Variants in KCTD16 observed in about 807,000 individuals in gnomAD.
KCTD16 encodes BTB/POZ domain-containing protein KCTD16.
KCTD16 carries 13 observed loss-of-function variants against 33.2 expected under a neutral mutation model. The observed-to-expected ratio is 0.39, with a 90% CI of 0.25 to 0.62. The LOEUF (loss-of-function observed/expected upper bound fraction) is 0.62, where lower values mean the gene tolerates loss of function less well. Among genes scored for constraint, KCTD16 ranks in the 20% least tolerant of loss-of-function variants. KCTD16 has a pLI of 0.50. For synonymous variants in KCTD16, 197 were observed against 195.3 expected, an observed-to-expected ratio of 1.01 and a Z score of -0.07; for missense variants, 441 against 525.1, an observed-to-expected ratio of 0.84 and a Z score of 1.57.
At chr5:144,445,641 T>C (rs1337458488) in intron 3 of KCTD16, among the ~76,000 whole-genome samples, 3 of 152,038 alleles carry the variant, frequency 2.0e-5, no homozygotes, top group African/African-American at 7.2e-5. Context: ...CCACAGAACT[T>C]CCCCTTCTGT....
At chr5:144,241,830 G>A (rs1580813933) in intron 3 of KCTD16, among the ~76,000 whole-genome samples, 2 of 152,010 alleles carry the variant, frequency 1.3e-5, no homozygotes, top group Non-Finnish European at 2.9e-5. Context: ...AACCCCCTAG[G>A]AAAAAACAAC....
chr5:144,465,356 A>G (rs1334491107), intron 3 of KCTD16, among the ~76,000 whole-genome samples: 1 of 152,034 alleles, frequency 6.6e-6, no homozygotes, highest in Non-Finnish European at 1.5e-5. Context: ...TCCTTTTCCC[A>G]GATGATAGAC....
chr5:144,461,488 G>C (rs1754194708), intron 3 of KCTD16, among the ~76,000 whole-genome samples: 1 of 152,304 alleles, frequency 6.6e-6, no homozygotes, highest in Admixed American at 6.5e-5. Flanking sequence ...CCTGAGTGCT[G>C]TGGAATCTGG....
chr5:144,420,389 A>G (rs940931949), intron 3 of KCTD16, among the ~76,000 whole-genome samples: 2 of 152,164 alleles, frequency 1.3e-5, no homozygotes, highest in African/African-American at 4.8e-5. Flanking sequence ...CATGTACCCT[A>G]GAACTTAAAG....
chr5:144,297,410 A>G (rs1466295822), intron 3 of KCTD16, among the ~76,000 whole-genome samples: 1 of 152,220 alleles, frequency 6.6e-6, no homozygotes, highest in Non-Finnish European at 1.5e-5. Context: ...AAGCAATGCA[A>G]TCAAGGACAA....
chr5:144,369,350 T>G (rs552679844), intron 3 of KCTD16: 1 of 152,140 alleles, frequency 6.6e-6, no homozygotes, highest in Non-Finnish European at 1.5e-5. Context: ...AGCACAGGCA[T>G]GGAAAAGGTC....
chr5:144,267,372 A>C (rs1458523262), intron 3 of KCTD16, among the ~76,000 whole-genome samples: 2 of 152,188 alleles, frequency 1.3e-5, no homozygotes, highest in East Asian at 1.9e-4. Context: ...CAGTCAAAAA[A>C]ATGGAAGGCA....
Position 144,402,786 on chromosome 5 carries a change from T to C in KCTD16, c.833-70874T>C, listed in dbSNP as rs561852874. Among the ~76,000 whole-genome samples the C allele has an allele frequency of 3.3e-5, 5 of 152,318 alleles. No homozygotes were observed. In the East Asian group the frequency reaches 7.7e-4, roughly 24 times the overall value. On this transcript the variant is annotated intron_variant, in intron 3 of 3. Coordinates refer to ENST00000512467, the MANE Select transcript of KCTD16 (RefSeq NM_020768.4). ...CAATGGAAAACAAAATATAAATATC[T>C]GGTTTTTAAAATTACCTAGTGCATT...
At chr5:144,203,748 T>G (rs1390928381) in intron 2 of KCTD16, among the ~76,000 whole-genome samples, 3 of 152,242 alleles carry the variant, frequency 2.0e-5, no homozygotes, top group African/African-American at 7.2e-5. Flanking sequence ...TTAATAGGTC[T>G]GAATTCAGAT....
At chr5:144,395,715 C>T (rs2126941925) in intron 3 of KCTD16, among the ~76,000 whole-genome samples, 1 of 152,254 alleles carries the variant, frequency 6.6e-6, no homozygotes, top group African/African-American at 2.4e-5. Context: ...TCAAGCAGTT[C>T]CAGGCAGGCC....
At position 144,466,477 on chromosome 5, in the gene KCTD16, C is replaced by G. The variant is rs568092978; in HGVS notation, c.833-7183C>G. On this transcript the variant is annotated intron_variant, in intron 3 of 3. Coordinates refer to ENST00000512467, the MANE Select transcript of KCTD16 (RefSeq NM_020768.4). ...ATAATGATAAAAGACCTCAGAAAGC[C>G]TGGATTTTTAAGTTGTTCAAATAGC... Among the ~76,000 whole-genome samples, 103 of 152,008 alleles carry G rather than the reference C, an allele frequency of 6.8e-4. 1 individual carries two copies. In the Middle Eastern group the frequency reaches 0.014, roughly 20 times the overall value.
chr5:144,393,668 G>A (rs1205688247), intron 3 of KCTD16, among the ~76,000 whole-genome samples: 3 of 152,148 alleles, frequency 2.0e-5, no homozygotes, highest in African/African-American at 4.8e-5. Flanking sequence ...CACTTACCAT[G>A]CTATAGGAGA....
At chr5:144,327,312 A>G (rs999172445) in intron 3 of KCTD16, among the ~76,000 whole-genome samples, 6 of 152,080 alleles carry the variant, frequency 3.9e-5, no homozygotes, top group Admixed American at 6.6e-5. Flanking sequence ...GATTCAGTCA[A>G]TTTCCAAAAA....
chr5:144,408,550 T>G (rs1395160245), intron 3 of KCTD16, among the ~76,000 whole-genome samples: 1 of 152,156 alleles, frequency 6.6e-6, no homozygotes, highest in Admixed American at 6.5e-5. Flanking sequence ...TTCCCCAAAT[T>G]TTCACCCTGA....
At chr5:144,338,223 A>C (rs1752539728) in intron 3 of KCTD16, among the ~76,000 whole-genome samples, 1 of 152,094 alleles carries the variant, frequency 6.6e-6, no homozygotes, top group Non-Finnish European at 1.5e-5. Flanking sequence ...CCTGGGAAAA[A>C]ATGTTCTTAA....
chr5:144,445,755 A>G (rs1446450291), intron 3 of KCTD16, among the ~76,000 whole-genome samples: 1 of 149,154 alleles, frequency 6.7e-6, no homozygotes, highest in South Asian at 2.1e-4. Flanking sequence ...TTGTTTCATT[A>G]TGGTCTCTCT....
chr5:144,421,317 G>T (rs1367457116), intron 3 of KCTD16, among the ~76,000 whole-genome samples: 1 of 152,114 alleles, frequency 6.6e-6, no homozygotes. Flanking sequence ...GGTGATTTAT[G>T]ACCTATATTA....
chr5:144,292,902 C>T (rs1423825492), intron 3 of KCTD16, among the ~76,000 whole-genome samples: 1 of 152,122 alleles, frequency 6.6e-6, no homozygotes, highest in African/African-American at 2.4e-5. Flanking sequence ...AGTTGGGCTG[C>T]CCAGGAAGGG....
chr5:144,224,668 T>C (rs937682100), intron 3 of KCTD16, among the ~76,000 whole-genome samples: 5 of 152,216 alleles, frequency 3.3e-5, no homozygotes, highest in African/African-American at 1.2e-4. Context: ...AACAACCAGA[T>C]ACAATGTAGT....
Sources: gnomAD v4.1 joint callset for allele counts (sites outside exome capture counted in the v4.1 genomes callset) on GRCh38, gnomAD v4.1.1 for gene constraint, MANE v1.5 for transcripts, NCBI Gene and HGNC (gene_info 2026-07-23, HGNC 2026-07-21) for gene names.